Variants in RIMS2 observed in about 807,000 individuals in gnomAD.
The protein encoded by RIMS2 is regulating synaptic membrane exocytosis protein 2.
A neutral mutation model predicts 174.4 loss-of-function variants in RIMS2; 59 were observed. The observed-to-expected ratio is 0.34, with a 90% CI of 0.27 to 0.42. The LOEUF (loss-of-function observed/expected upper bound fraction) is 0.42, where lower values mean the gene tolerates loss of function less well. Among genes scored for constraint, RIMS2 ranks in the 10% least tolerant of loss-of-function variants. RIMS2 has a pLI of 1.00. For missense variants in RIMS2, 1,620 were observed against 1,666.3 expected, an observed-to-expected ratio of 0.97 and a Z score of 0.48; for synonymous variants, 606 against 572.5, an observed-to-expected ratio of 1.06 and a Z score of -0.84.
chr8:103,869,092 G>A (rs2099097456), intron 3 of RIMS2, among the ~76,000 whole-genome samples: 1 of 151,922 alleles, frequency 6.6e-6, no homozygotes, highest in Non-Finnish European at 1.5e-5. Context: ...TTTCATGTAT[G>A]AGGAGTGTTC....
intron 19 of RIMS2, among the ~76,000 whole-genome samples, chr8:104,126,113 A>T (rs1447227415): frequency 1.3e-5 from 2 of 152,182 alleles, no homozygotes; most frequent in Non-Finnish European, 2.9e-5. Context: ...GACCAGTTTC[A>T]TGGAAGAAAC....
At chr8:103,821,179 T>C (rs1335167357) in intron 3 of RIMS2, among the ~76,000 whole-genome samples, 1 of 151,722 alleles carries the variant, frequency 6.6e-6, no homozygotes, top group Admixed American at 6.6e-5. Flanking sequence ...TTGAGGGAAT[T>C]GTGTGCATCC....
intron 14 of RIMS2, among the ~76,000 whole-genome samples, chr8:103,948,310 C>G (rs1045171356): frequency 1.3e-5 from 2 of 152,106 alleles, no homozygotes; most frequent in Admixed American, 1.3e-4. Context: ...ATAAATTTAC[C>G]GTATGACCAC....
intron 13 of RIMS2, 59 bp downstream of exon 15, chr8:103,936,781 T>C: frequency 7.9e-7 from 1 of 1,262,668 alleles, no homozygotes; most frequent in South Asian, 1.5e-5. Flanking sequence ...CTTTTATTTA[T>C]ATAACTGTCA....
intron 1 of RIMS2, among the ~76,000 whole-genome samples, chr8:103,583,119 G>A (rs2093707563): frequency 6.6e-6 from 1 of 152,202 alleles, no homozygotes; most frequent in Admixed American, 6.5e-5. Flanking sequence ...TTGGGAGAAA[G>A]ACAAGAGAAC....
chr8:104,100,774 A>G (rs116983243), intron 19 of RIMS2, among the ~76,000 whole-genome samples: 27 of 145,148 alleles, frequency 1.9e-4, no homozygotes, highest in Non-Finnish European at 1.2e-4. Context: ...CCAAAAACAT[A>G]CTAATCCCAT....
intron 19 of RIMS2, among the ~76,000 whole-genome samples, chr8:104,104,422 G>A (rs1174463108): frequency 8.5e-5 from 13 of 152,128 alleles, no homozygotes; most frequent in Non-Finnish European, 5.9e-5. Context: ...AGTTTTGATG[G>A]ATGGGGTTGT....
chr8:104,063,265 G>A (rs1283067324), intron 19 of RIMS2, among the ~76,000 whole-genome samples: 1 of 151,926 alleles, frequency 6.6e-6, no homozygotes, highest in African/African-American at 2.4e-5. Context: ...AATGTTTAAT[G>A]ATCATCCCAC....
intron 3 of RIMS2, among the ~76,000 whole-genome samples, chr8:103,859,395 C>T (rs1322128840): frequency 6.6e-6 from 1 of 152,026 alleles, no homozygotes; most frequent in Non-Finnish European, 1.5e-5. Flanking sequence ...TCCTCCCACC[C>T]CCCACTGAAG....
intron 19 of RIMS2, among the ~76,000 whole-genome samples, chr8:104,236,551 C>T (rs941306115): frequency 6.6e-6 from 1 of 152,024 alleles, no homozygotes. Flanking sequence ...TATTTTCTTA[C>T]ATACAGCATT....
intron 2 of RIMS2, among the ~76,000 whole-genome samples, chr8:103,727,362 A>G (rs2097538796): frequency 6.6e-6 from 1 of 152,130 alleles, no homozygotes; most frequent in Non-Finnish European, 1.5e-5. Flanking sequence ...ATTTTGTTAT[A>G]TTTCAAATTT....
chr8:104,129,919 C>T (rs2098461053), intron 19 of RIMS2, among the ~76,000 whole-genome samples: 1 of 152,144 alleles, frequency 6.6e-6, no homozygotes, highest in Non-Finnish European at 1.5e-5. Flanking sequence ...ATTTCTAAAA[C>T]ATTTATTAGG....
At chr8:103,806,069 C>T (rs1276345076) in intron 3 of RIMS2, among the ~76,000 whole-genome samples, 1 of 151,778 alleles carries the variant, frequency 6.6e-6, no homozygotes, top group Non-Finnish European at 1.5e-5. Context: ...AACTTAAAAC[C>T]CCTGTCTGGA....
At chr8:104,211,475 C>T (rs924825458) in intron 19 of RIMS2, among the ~76,000 whole-genome samples, 3 of 152,002 alleles carry the variant, frequency 2.0e-5, no homozygotes, top group Non-Finnish European at 4.4e-5. Context: ...ACAGGTCCTC[C>T]AAGGTTATGC....
intron 19 of RIMS2, among the ~76,000 whole-genome samples, chr8:104,096,210 T>A (rs189571640): frequency 1.3e-5 from 2 of 152,036 alleles, no homozygotes; most frequent in Non-Finnish European, 2.9e-5. Flanking sequence ...AAAGAATGAG[T>A]CTCTAATGTG....
chr8:104,225,234 G>A (rs1437058270), intron 19 of RIMS2, among the ~76,000 whole-genome samples: 1 of 152,108 alleles, frequency 6.6e-6, no homozygotes, highest in Non-Finnish European at 1.5e-5. Flanking sequence ...GAAGACTGAG[G>A]CAGGGAGAGA....
chr8:104,173,085 A>G (rs1220816722), intron 19 of RIMS2, among the ~76,000 whole-genome samples: 2 of 152,138 alleles, frequency 1.3e-5, no homozygotes, highest in South Asian at 2.1e-4. Flanking sequence ...TAAAATTACA[A>G]TTTTCCTGCT....
chr8:103,995,397 A>G (rs764990349), intron 17 of RIMS2, among the ~76,000 whole-genome samples: 2 of 152,062 alleles, frequency 1.3e-5, no homozygotes, highest in Non-Finnish European at 2.9e-5. Context: ...TGATTGGGTG[A>G]ACTGGAAAAG....
chr8:103,911,804 G>C (rs1323779838), intron 5 of RIMS2, among the ~76,000 whole-genome samples: 1 of 151,934 alleles, frequency 6.6e-6, no homozygotes, highest in East Asian at 1.9e-4. Flanking sequence ...TATTGTGTTA[G>C]AGAACTGTAA....
Sources: gnomAD v4.1 joint callset for allele counts (sites outside exome capture counted in the v4.1 genomes callset) on GRCh38, gnomAD v4.1.1 for gene constraint, MANE v1.5 for transcripts, NCBI Gene and HGNC (gene_info 2026-07-23, HGNC 2026-07-21) for gene names.